The following STK32B variants were observed in gnomAD, a reference collection of about 807,000 sequenced individuals.
STK32B encodes the protein serine/threonine-protein kinase 32B.
In STK32B, 43 loss-of-function variants were observed where a neutral mutation model predicts 52.6. The ratio of observed to expected loss-of-function variants is 0.82; its 90% CI spans 0.64 to 1.05. The LOEUF is 1.05. Ranked by LOEUF, STK32B falls within the 50% of genes least tolerant of loss-of-function variation. STK32B has a pLI of 0.00. For missense variants in STK32B, 621 were observed against 534.6 expected, an observed-to-expected ratio of 1.16 and a Z score of -1.59; for synonymous variants, 238 against 204.3, an observed-to-expected ratio of 1.17 and a Z score of -1.41.
At chr4:5,233,134 C>G (rs1302984911) in intron 3 of STK32B, among the ~76,000 whole-genome samples, 1 of 152,096 alleles carries the variant, frequency 6.6e-6, no homozygotes, top group Non-Finnish European at 1.5e-5. Flanking sequence ...CTTGACTATA[C>G]AGTTTGGGAG....
At chr4:5,208,367 G>T (rs1487215778) in intron 3 of STK32B, among the ~76,000 whole-genome samples, 1 of 152,194 alleles carries the variant, frequency 6.6e-6, no homozygotes, top group African/African-American at 2.4e-5. Flanking sequence ...CTGGTGCTAT[G>T]GAAGTAAATA....
At chr4:5,116,458 CTAAT>C (rs1478779647) in intron 1 of STK32B, among the ~76,000 whole-genome samples, 1 of 152,144 alleles carries the variant, frequency 6.6e-6, no homozygotes, top group African/African-American at 2.4e-5. Flanking sequence ...CTCAATCAAG[CTAAT>C]TAATATATCT....
the STK32B span, among the ~76,000 whole-genome samples, chr4:5,022,867 ACT>A: frequency 6.6e-6 from 1 of 151,956 alleles, no homozygotes; most frequent in African/African-American, 2.4e-5. Context: ...GGCAGCTGAC[ACT>A]CTGGGTGAGT....
intron 4 of STK32B, among the ~76,000 whole-genome samples, chr4:5,392,421 A>C (rs1190746829): frequency 6.6e-6 from 1 of 152,182 alleles, no homozygotes; most frequent in Non-Finnish European, 1.5e-5. Flanking sequence ...GCGAGACTCC[A>C]TCTCAAAAAA....
chr4:5,296,751 T>C (rs568666762), intron 3 of STK32B, among the ~76,000 whole-genome samples: 84 of 152,254 alleles, frequency 5.5e-4, no homozygotes, highest in Admixed American at 1.6e-3. Context: ...TTGGGGCATT[T>C]ATCCCATTGA....
chr4:5,046,048 A>G, the STK32B span, among the ~76,000 whole-genome samples: 16 of 152,314 alleles, frequency 1.1e-4, no homozygotes, highest in South Asian at 2.1e-4. Flanking sequence ...AAGACCCTGT[A>G]TGGCCAAGAC....
chr4:5,261,684 A>T (rs901125534), intron 3 of STK32B, among the ~76,000 whole-genome samples: 1 of 152,190 alleles, frequency 6.6e-6, no homozygotes, highest in Non-Finnish European at 1.5e-5. Flanking sequence ...ATTTCTTATG[A>T]ACTACCACCT....
chr4:5,165,624 G>A (rs1560190941), intron 2 of STK32B, among the ~76,000 whole-genome samples: 1 of 152,092 alleles, frequency 6.6e-6, no homozygotes, highest in Non-Finnish European at 1.5e-5. Context: ...TAATTAGTGG[G>A]ATTATCCTCC....
rs552723080 is a variant in STK32B at position 5,322,070 on chromosome 4, ACAC to A, written c.261-9148_261-9146del. On this transcript the variant is annotated intron_variant, in intron 3 of 11. Coordinates refer to ENST00000282908, the MANE Select transcript of STK32B (RefSeq NM_018401.3). ...TTGGGCTGGCTGAACACAGTGGCTC[ACAC>A]CTGTAATCCCAGCACTTTGGGAGGC... Among the ~76,000 whole-genome samples, 853 of 151,454 alleles carry A rather than the reference ACAC, an allele frequency of 5.6e-3. 17 individuals are homozygous for A. The highest frequency in any genetic ancestry group is 0.017 in the Middle Eastern group (5 of 290).
chr4:5,249,316 G>A (rs1725714830), intron 3 of STK32B, among the ~76,000 whole-genome samples: 1 of 152,068 alleles, frequency 6.6e-6, no homozygotes, highest in Admixed American at 6.6e-5. Context: ...TTTTATTAAG[G>A]TCACACAACT....
intron 1 of STK32B, among the ~76,000 whole-genome samples, chr4:5,119,925 G>T (rs1714934363): frequency 6.6e-6 from 1 of 152,158 alleles, no homozygotes; most frequent in Non-Finnish European, 1.5e-5. Flanking sequence ...AGGCATTCGG[G>T]ACTCAAGTAC....
chr4:5,107,400 C>T lies in STK32B; in HGVS notation c.53-32505C>T, dbSNP rs565997105. Among the ~76,000 whole-genome samples, 10 of 152,260 alleles carry T rather than the reference C, an allele frequency of 6.6e-5. No homozygotes were observed. In the South Asian group the frequency reaches 1.7e-3, roughly 25 times the overall value. On this transcript the variant is annotated intron_variant, in intron 1 of 11. Coordinates refer to ENST00000282908, the MANE Select transcript of STK32B (RefSeq NM_018401.3). ...TAATGTGCTTGAGTCATTCCGAAAT[C>T]ATCCTCCCCTTCCCCCGTCTGTGGA...
chr4:5,105,063 C>T (rs1041342957), intron 1 of STK32B, among the ~76,000 whole-genome samples: 1 of 152,118 alleles, frequency 6.6e-6, no homozygotes, highest in Non-Finnish European at 1.5e-5. Flanking sequence ...AAGAGGGATC[C>T]CTTTGCTCCA....
intron 3 of STK32B, among the ~76,000 whole-genome samples, chr4:5,253,202 G>T (rs2108835067): frequency 6.6e-6 from 1 of 152,148 alleles, no homozygotes; most frequent in South Asian, 2.1e-4. Context: ...AGCTTACATT[G>T]CTCCCTCTGT....
chr4:5,081,361 A>G (rs1038666448), intron 1 of STK32B, among the ~76,000 whole-genome samples: 2 of 152,112 alleles, frequency 1.3e-5, no homozygotes, highest in Non-Finnish European at 2.9e-5. Flanking sequence ...TCTGGGTTCA[A>G]CTACTTGAAA....
chr4:5,310,720 CAGA>C (rs1336753883), intron 3 of STK32B, among the ~76,000 whole-genome samples: 4 of 152,158 alleles, frequency 2.6e-5, no homozygotes, highest in East Asian at 1.9e-4. Flanking sequence ...AATCAATATG[CAGA>C]AGAAGTATCT....
intron 2 of STK32B, among the ~76,000 whole-genome samples, chr4:5,152,988 C>G (rs1210794506): frequency 6.6e-6 from 1 of 152,188 alleles, no homozygotes; most frequent in East Asian, 1.9e-4. Context: ...TACCTTGTCC[C>G]ACTAATAGCC....
intron 6 of STK32B, among the ~76,000 whole-genome samples, chr4:5,444,565 C>A (rs913590996): frequency 4.6e-5 from 7 of 152,308 alleles, no homozygotes; most frequent in Middle Eastern, 3.4e-3. Flanking sequence ...CCGTCTTCTG[C>A]GTCGCTCACA....
chr4:5,383,365 A>C (rs1427255326), intron 4 of STK32B, among the ~76,000 whole-genome samples: 1 of 152,162 alleles, frequency 6.6e-6, no homozygotes, highest in South Asian at 2.1e-4. Context: ...AGTCATCCCA[A>C]CCGGCTCCCA....
Sources: gnomAD v4.1 joint callset for allele counts (sites outside exome capture counted in the v4.1 genomes callset) on GRCh38, gnomAD v4.1.1 for gene constraint, MANE v1.5 for transcripts, NCBI Gene and HGNC (gene_info 2026-07-23, HGNC 2026-07-21) for gene names.